Variants in MAST4 observed in about 807,000 individuals in gnomAD.
MAST4 encodes the protein microtubule associated serine/threonine kinase family member 4, also known as microtubule-associated serine/threonine-protein kinase 4.
MAST4 carries 89 observed loss-of-function variants against 162.7 expected under a neutral mutation model. The observed-to-expected ratio is 0.55, with a 90% confidence interval of 0.46 to 0.65. MAST4 has a LOEUF of 0.65. Among genes scored for constraint, MAST4 ranks in the 30% least tolerant of loss-of-function variants. MAST4 has a pLI of 0.00. For missense variants in MAST4, 3,153 were observed against 3,374.0 expected (o/e 0.93, Z 1.62); for synonymous variants, 1,479 against 1,361.1 (o/e 1.09, Z -1.91).
Position 66,596,622 on chromosome 5 carries a change from G to T in MAST4, c.-34G>T. 1.4e-6 allele frequency: 2 copies of T among 1,398,200 alleles called. No individual in the cohort carries two copies. Among genetic ancestry groups the T allele is most frequent in the Non-Finnish European group, 1.9e-6 (2 of 1,078,678 alleles). 86.6% of individuals were successfully genotyped at this position (1,398,200 alleles called of 1,614,324 possible). ...GGCGCTGAGTGCGCGCCGCGCCCCC[G>T]CCGCTCGGGAGGCACTTTGGGCCAG... On this transcript the variant is annotated 5_prime_UTR_variant, in exon 1 of 29. Transcript: ENST00000403625.
At chr5:66,996,438 AT>A (rs1483433782) in intron 4 of MAST4, among the ~76,000 whole-genome samples, 6 of 151,940 alleles carry the variant, frequency 3.9e-5, no homozygotes, top group African/African-American at 1.2e-4. Flanking sequence ...TTTTTTAAAA[AT>A]ATCATTGTTT....
At chr5:67,137,156 T>G (rs1216090216) in intron 19 of MAST4, among the ~76,000 whole-genome samples, 1 of 152,216 alleles carries the variant, frequency 6.6e-6, no homozygotes, top group African/African-American at 2.4e-5. Flanking sequence ...AATGAGTGTC[T>G]GGGGTTGAAC....
intron 14 of MAST4, among the ~76,000 whole-genome samples, chr5:67,124,439 C>G (rs1332683355): frequency 6.6e-6 from 1 of 152,082 alleles, no homozygotes; most frequent in Non-Finnish European, 1.5e-5. Context: ...TCTCTCTGTG[C>G]TAACTTTAAG....
Position 67,145,247 on chromosome 5 carries a change from G to A in MAST4, c.2962G>A (p.Asp988Asn). Residue 988 changes from aspartate to asparagine, a missense_variant, in exon 23 of 29, where the codon GAT becomes AAT. By Grantham distance (23) the Asp-to-Asn change is conservative. Around this residue, in one of 7 missense-constraint regions of MAST4, gnomAD observed 619 missense variants for 744.2 expected, o/e 0.83. Coordinates refer to ENST00000403625, the MANE Select transcript of MAST4 (RefSeq NM_001164664.2). ...GGCTATTTCAACAGAGGGAGAGCAA[G>A]ATGAAGCTGCCTCCTGCCCTGGAGA... ...KLAISTEGEQ[D>N]EAASCPGDPH... 1 of 1,613,872 alleles carries A rather than the reference G, an allele frequency of 6.2e-7. No homozygotes were observed. The highest frequency in any genetic ancestry group is 8.5e-7 in the Non-Finnish European group (1 of 1,179,822).
intron 4 of MAST4, among the ~76,000 whole-genome samples, chr5:66,916,344 A>G (rs1318819950): frequency 6.6e-6 from 1 of 152,216 alleles, no homozygotes; most frequent in Non-Finnish European, 1.5e-5. Flanking sequence ...TGGAATGGAT[A>G]TTAAGCAAGT....
At chr5:66,823,931 A>G (rs1459414283) in intron 3 of MAST4, among the ~76,000 whole-genome samples, 1 of 152,210 alleles carries the variant, frequency 6.6e-6, no homozygotes, top group Non-Finnish European at 1.5e-5. Context: ...AATCACAATA[A>G]TGGATGTATG....
chr5:66,615,024 G>T (rs1006162480), intron 1 of MAST4, among the ~76,000 whole-genome samples: 5 of 152,192 alleles, frequency 3.3e-5, no homozygotes, highest in Admixed American at 2.6e-4. Context: ...GTAAGGCCTT[G>T]CCTTGGGGAT....
intron 11 of MAST4, 148 bp from the exon 12 acceptor site, chr5:67,113,939 A>G (rs2150920835): frequency 2.7e-6 from 2 of 754,310 alleles, no homozygotes; most frequent in Middle Eastern, 3.8e-4. Flanking sequence ...TGAGAATTAC[A>G]TACTTTTTAA....
At position 67,164,769 on chromosome 5, in the gene MAST4, T is replaced by G. The variant is rs371543235; in HGVS notation, c.5590T>G (p.Leu1864Val). The change falls in exon 29 of 29, where the codon TTA becomes GTA. Residue 1864 changes from leucine (L) to valine (V), a missense_variant. By Grantham distance (32) the Leu-to-Val change is conservative (BLOSUM62 1). This residue lies in a region of MAST4 where 1,644 missense variants were observed against 1,495.0 expected (regional missense o/e 1.10). Transcript: ENST00000403625. The surrounding 1 kb of genome is among the most constrained non-coding windows in gnomAD (Gnocchi z 5.3). ...TGCAAGAGAGCTTTCTCCTTCCAGC[T>G]TAAAGATGAATAAATCCTACCTGCT... is the stretch of plus-strand genomic sequence containing the variant. Reference protein sequence around the residue: ...TSARELSPSSLKMNKSYLLEP... With the variant: ...TSARELSPSSVKMNKSYLLEP... The G allele has an allele frequency of 1.4e-5, 23 of 1,613,960 alleles. No individual in the cohort carries two copies. Among genetic ancestry groups the G allele is most frequent in the Non-Finnish European group, 1.9e-5 (22 of 1,179,884 alleles).
At chr5:67,157,305 G>T (rs139316646) in intron 26 of MAST4, among the ~76,000 whole-genome samples, 1 of 152,156 alleles carries the variant, frequency 6.6e-6, no homozygotes, top group Non-Finnish European at 1.5e-5. Flanking sequence ...TGTCTTTGGC[G>T]TATGCCTGTA....
At chr5:67,127,506 G>A (rs1768400153) in intron 14 of MAST4, among the ~76,000 whole-genome samples, 1 of 152,116 alleles carries the variant, frequency 6.6e-6, no homozygotes, top group African/African-American at 2.4e-5. Context: ...TGGTTTTTGT[G>A]GTTGGTTCTG....
intron 24 of MAST4, among the ~76,000 whole-genome samples, chr5:67,152,335 T>G (rs929408411): frequency 8.5e-5 from 13 of 152,306 alleles, no homozygotes; most frequent in Admixed American, 8.5e-4. Context: ...ATCCTTGTGG[T>G]GTCTTTTAAT....
At chr5:66,731,784 C>T (rs1751873194) in intron 1 of MAST4, among the ~76,000 whole-genome samples, 1 of 151,940 alleles carries the variant, frequency 6.6e-6, no homozygotes, top group African/African-American at 2.4e-5. Flanking sequence ...GCTGGATTTT[C>T]ACCTGCTTTC....
At chr5:66,959,946 C>G (rs745942570) in intron 4 of MAST4, among the ~76,000 whole-genome samples, 3 of 152,026 alleles carry the variant, frequency 2.0e-5, no homozygotes, top group Non-Finnish European at 4.4e-5. Flanking sequence ...ATTTGTGGCG[C>G]AGAAGTTAGA....
chr5:66,829,200 G>A (rs1293615906), intron 3 of MAST4, among the ~76,000 whole-genome samples: 1 of 151,858 alleles, frequency 6.6e-6, no homozygotes, highest in East Asian at 1.9e-4. Flanking sequence ...GCCGTCAAGT[G>A]TCTGGGAAGT....
chr5:67,015,640 T>G (rs1301904222), intron 4 of MAST4, among the ~76,000 whole-genome samples: 1 of 152,186 alleles, frequency 6.6e-6, no homozygotes, highest in African/African-American at 2.4e-5. Context: ...AGGCTATATA[T>G]CTCCACTTTC....
intron 3 of MAST4, among the ~76,000 whole-genome samples, chr5:66,793,657 G>A (rs6886997): frequency 0.039 from 5,926 of 152,168 alleles, 177 homozygotes; most frequent in South Asian, 0.13. Flanking sequence ...ATAGATAGAT[G>A]GCAGAAGCAC....
At position 67,070,176 on chromosome 5, in the gene MAST4, G is replaced by A. The variant is rs144140409; in HGVS notation, c.763+15684G>A. Among the ~76,000 whole-genome samples the A allele has an allele frequency of 1.9e-3, 294 of 152,234 alleles. 2 individuals carry two copies. Among genetic ancestry groups the A allele is most frequent in the African/African-American group, 6.6e-3 (274 of 41,532 alleles). Reference sequence around the variant, plus strand: ...ATGTGGGTTATCATTTCATTTGACAGTTTTGATTTCCAAAAGAGAAGGACC... The same window carrying A: ...ATGTGGGTTATCATTTCATTTGACAATTTTGATTTCCAAAAGAGAAGGACC... On this transcript the variant is annotated intron_variant, in intron 5 of 28. Coordinates refer to ENST00000403625, the MANE Select transcript of MAST4 (RefSeq NM_001164664.2).
rs1260871939 is a variant in MAST4, at chr5:67,163,169, C to T, written c.3990C>T (p.Ser1330=). The T allele has an allele frequency of 6.2e-7, 1 of 1,606,750 alleles. No individual in the cohort carries two copies. Among genetic ancestry groups the T allele is most frequent in the African/African-American group, 1.3e-5 (1 of 74,818 alleles). Residue 1330 remains serine, a synonymous_variant, in exon 29 of 29, where the codon AGC becomes AGT. Coordinates refer to ENST00000403625, the MANE Select transcript of MAST4 (RefSeq NM_001164664.2). This position sits in a 1 kb window ranked among gnomAD's most constrained non-coding sequence, Gnocchi z 7.0. ...CAGGTACTAATTCCTCCCAGAGCAG[C>T]TCCCCTAGTTCTAGTGCCCCCAATT... is the stretch of plus-strand genomic sequence containing the variant. ...FPSGTNSSQS[S]SPSSSAPNSP... is the part of the protein sequence containing the mutation.
Sources: gnomAD v4.1 joint callset for allele counts (sites outside exome capture counted in the v4.1 genomes callset) on GRCh38, gnomAD v4.1.1 for gene constraint, gnomAD v4.1.1 regional missense constraint, Gnocchi (gnomAD v3.1) non-coding constraint, MANE v1.5 for transcripts, NCBI Gene and HGNC (gene_info 2026-07-23, HGNC 2026-07-21) for gene names.